Variants in GUCY2C observed in about 807,000 individuals in gnomAD.
GUCY2C encodes the protein guanylyl cyclase C.
A neutral mutation model predicts 131.1 loss-of-function variants in GUCY2C; 118 were observed. That is an observed-to-expected ratio of 0.90 (90% confidence interval 0.78 to 1.05). GUCY2C has a LOEUF of 1.05. GUCY2C is among the 50% of genes least tolerant of loss of function. GUCY2C has a pLI of 0.00. For missense variants in GUCY2C, 1,161 were observed against 1,304.4 expected, an observed-to-expected ratio of 0.89 and a Z score of 1.69; for synonymous variants, 452 against 457.8, an observed-to-expected ratio of 0.99 and a Z score of 0.16.
chr12:14,674,196 G>A (rs536505195), intron 8 of GUCY2C: 42 of 223,356 alleles, frequency 1.9e-4, no homozygotes, highest in African/African-American at 8.9e-4. Flanking sequence ...TGTTTTGGAG[G>A]GTATTATTTT....
intron 10 of GUCY2C, among the ~76,000 whole-genome samples, chr12:14,668,648 T>A (rs79719499): frequency 2.7e-4 from 32 of 120,050 alleles, no homozygotes; most frequent in Admixed American, 9.4e-4. Context: ...TTTTTTTTTT[T>A]AAATCTTTGG....
chr12:14,619,329 G>C lies in GUCY2C; in HGVS notation c.2777-20C>G. The C allele has an allele frequency of 6.7e-7, 1 of 1,495,536 alleles. No individual in the cohort carries two copies. 92.6% of individuals were successfully genotyped at this position (1,495,536 alleles called of 1,614,324 possible). On this transcript the variant is annotated intron_variant, in intron 23 of 26. Transcript: ENST00000261170. ...AGGGACCTGAAATGAAGGACAGAAA[G>C]CAGGAAGTGGAGGCAATAGAAATTG...
chr12:14,613,893 A>G lies in GUCY2C; in HGVS notation c.3048-602T>C, dbSNP rs541065425. 1.7e-3 allele frequency among the ~76,000 whole-genome samples: 266 copies of G among 152,226 alleles called. 2 individuals carry two copies. Among genetic ancestry groups the G allele is most frequent in the Middle Eastern group, 6.8e-3 (2 of 294 alleles). ...CATATGGCTGCAGTAACATGTATTG[A>G]CAGGCAACTGGGTGACAGCTTGAGT... is the stretch of plus-strand genomic sequence containing the variant. On this transcript the variant is annotated intron_variant, in intron 26 of 26. Coordinates refer to ENST00000261170, the MANE Select transcript of GUCY2C (RefSeq NM_004963.4). This position sits in a 1 kb window ranked among gnomAD's most constrained non-coding sequence, Gnocchi z 4.9.
At chr12:14,656,851 G>C (rs943325911) in intron 11 of GUCY2C, among the ~76,000 whole-genome samples, 1 of 152,162 alleles carries the variant, frequency 6.6e-6, no homozygotes. Flanking sequence ...TTGACACCAC[G>C]GACTGGTTTC....
At chr12:14,658,432 A>C (rs1947801789) in intron 11 of GUCY2C, among the ~76,000 whole-genome samples, 1 of 152,112 alleles carries the variant, frequency 6.6e-6, no homozygotes, top group Non-Finnish European at 1.5e-5. Flanking sequence ...ATCCCAGTAC[A>C]TTGGGAGGCC....
At chr12:14,687,905 C>T in intron 2 of GUCY2C, 46 bp downstream of exon 2, 2 of 994,444 alleles carry the variant, frequency 2.0e-6, no homozygotes, top group Non-Finnish European at 3.3e-6. Context: ...TGGGATTATC[C>T]TGTGCCCAGA....
intron 10 of GUCY2C, among the ~76,000 whole-genome samples, chr12:14,669,214 T>C (rs537783726): frequency 6.0e-4 from 91 of 151,510 alleles, no homozygotes; most frequent in African/African-American, 2.1e-3. Context: ...CTTTTTCTTT[T>C]TTTTTTTTTG....
intron 10 of GUCY2C, chr12:14,665,956 G>T (rs1947969990): frequency 6.6e-6 from 1 of 152,272 alleles, no homozygotes; most frequent in Admixed American, 6.5e-5. Context: ...CACGGAGCGG[G>T]TCAAGTAGCG....
At position 14,691,646 on chromosome 12, in the gene GUCY2C, C is replaced by T. The variant is rs144448184; in HGVS notation, c.218-3583G>A. Among the ~76,000 whole-genome samples, 257 of 152,260 alleles carry T rather than the reference C, an allele frequency of 1.7e-3. 3 individuals carry two copies. Among genetic ancestry groups the T allele is most frequent in the East Asian group, 0.015 (76 of 5,170 alleles). ...TCTATGAGGGCTTTGTTCTGTCCTA[C>T]CACCATGAGGGACAGTGAAAATGAC... On this transcript the variant is annotated intron_variant, in intron 1 of 26. Transcript: ENST00000261170.
At chr12:14,642,090 C>T (rs889397844) in intron 17 of GUCY2C, among the ~76,000 whole-genome samples, 3 of 152,034 alleles carry the variant, frequency 2.0e-5, no homozygotes, top group African/African-American at 7.2e-5. Flanking sequence ...CTGATATTTT[C>T]AAGGCATAAC....
chr12:14,613,818 G>C lies in GUCY2C; in HGVS notation c.3048-527C>G, dbSNP rs542157191. On this transcript the variant is annotated intron_variant, in intron 26 of 26. Transcript: ENST00000261170. This position sits in a 1 kb window ranked among gnomAD's most constrained non-coding sequence, Gnocchi z 4.9. ...CCATCTCTCTGGGTCTGACATCTAG[G>C]CCTCTGCAAGACAGAGTTTCTCAAC... 3.4e-4 allele frequency among the ~76,000 whole-genome samples: 52 copies of C among 152,086 alleles called. No homozygotes were observed. Among genetic ancestry groups the C allele is most frequent in the Admixed American group, 7.2e-4 (11 of 15,242 alleles).
At chr12:14,616,849 C>A in intron 24 of GUCY2C, 122 bp from the exon 25 acceptor site, 2 of 685,754 alleles carry the variant, frequency 2.9e-6, no homozygotes, top group South Asian at 1.6e-5. Flanking sequence ...ACAATTGTGG[C>A]TATTTTAATG....
At chr12:14,664,672 A>G (rs1471534226) in intron 10 of GUCY2C, among the ~76,000 whole-genome samples, 1 of 152,182 alleles carries the variant, frequency 6.6e-6, no homozygotes, top group East Asian at 1.9e-4. Context: ...ACAATGAATG[A>G]GAGTTTATAA....
intron 21 of GUCY2C, among the ~76,000 whole-genome samples, chr12:14,623,344 G>C (rs1262113587): frequency 6.6e-6 from 1 of 152,198 alleles, no homozygotes; most frequent in African/African-American, 2.4e-5. Context: ...CAACCACAAA[G>C]ATTTCTAACA....
intron 21 of GUCY2C, among the ~76,000 whole-genome samples, chr12:14,624,704 G>GT (rs370561455): frequency 3.7e-4 from 56 of 152,314 alleles, no homozygotes; most frequent in African/African-American, 1.3e-3. Flanking sequence ...AAGCCATGGT[G>GT]TATTGTAGCT....
At chr12:14,614,778 G>A in intron 26 of GUCY2C, 89 bp downstream of exon 26, 1 of 737,788 alleles carries the variant, frequency 1.4e-6, no homozygotes. Flanking sequence ...TATGCCACTT[G>A]TAAGGCATTT....
chr12:14,652,872 C>T (rs2137041249), intron 13 of GUCY2C, 80 bp downstream of exon 13: 1 of 900,858 alleles, frequency 1.1e-6, no homozygotes, highest in South Asian at 1.3e-5. Flanking sequence ...GTGATACTGA[C>T]ATCAGGGGCC....
rs1050640389 is a variant in GUCY2C, at chr12:14,666,099, T to G, written c.1282+3623A>C. On this transcript the variant is annotated intron_variant, in intron 10 of 26. Coordinates refer to ENST00000261170, the MANE Select transcript of GUCY2C (RefSeq NM_004963.4). ...GAGGCTTCAGGAGGCGGTGTCTGAT[T>G]TATATAGGGCCCAGGGGATTGGTTT... is the stretch of plus-strand genomic sequence containing the variant. 8 of 152,272 alleles carry G rather than the reference T, an allele frequency of 5.3e-5. No individual in the cohort carries two copies. The East Asian group carries it at 1.5e-3, about 29-fold the overall frequency. The allele number at this position is 152,272 out of a possible 1,614,324, so 9.4% of individuals were successfully genotyped here.
Position 14,666,193 on chromosome 12 carries a change from G to A in GUCY2C, c.1282+3529C>T, listed in dbSNP as rs958516402. On this transcript the variant is annotated intron_variant, in intron 10 of 26. Coordinates refer to ENST00000261170, the MANE Select transcript of GUCY2C (RefSeq NM_004963.4). ...CACCCTAATCTTTTATTATGCAAATGCGGCCTCTACCTGGCTGGCGCCATG... is the reference window on the plus strand; with the variant it reads ...CACCCTAATCTTTTATTATGCAAATACGGCCTCTACCTGGCTGGCGCCATG... Among the ~76,000 whole-genome samples, 6 of 152,324 alleles carry A rather than the reference G, an allele frequency of 3.9e-5. No homozygotes were observed. In the South Asian group the frequency reaches 6.2e-4, roughly 16 times the overall value.
Sources: allele counts gnomAD v4.1 joint callset (sites outside exome capture counted in the v4.1 genomes callset), GRCh38; gene constraint gnomAD v4.1.1; non-coding constraint Gnocchi (gnomAD v3.1); transcripts MANE v1.5; gene names NCBI Gene and HGNC (gene_info 2026-07-23, HGNC 2026-07-21).